ZNF410: variants seen among roughly 807,000 people sequenced by gnomAD.
The protein encoded by ZNF410 is another partner for ARF 1.
In ZNF410, 18 loss-of-function variants were observed where a neutral mutation model predicts 54.8. The observed-to-expected ratio is 0.33, with a 90% CI of 0.23 to 0.49. The LOEUF (loss-of-function observed/expected upper bound fraction) is 0.49. Among genes scored for constraint, ZNF410 ranks in the 20% least tolerant of loss-of-function variants. ZNF410 has a pLI of 0.99. For synonymous variants in ZNF410, 191 were observed against 207.3 expected (o/e 0.92, Z 0.68); for missense variants, 405 against 569.6 (o/e 0.71, Z 2.94).
rs150297098 is a variant in ZNF410, at chr14:73,898,181, C to T, written c.499C>T (p.Arg167Trp). Residue 167 changes from arginine (R) to tryptophan (W), a missense_variant, in exon 5 of 12, where the codon CGG becomes TGG. Arg to Trp is a moderately radical substitution (Grantham distance 101). This residue lies in a region of ZNF410 where 247 missense variants were observed against 342.8 expected (regional missense o/e 0.72). Coordinates refer to ENST00000555044, the MANE Select transcript of ZNF410 (RefSeq NM_021188.3). ...AGACAGTAGCATTCCATGGTTCCTC[C>T]GGGTTCAGGAGTTGGCCCATGACAG... ...STDSSIPWFL[R>W]VQELAHDSLI... 22 of 1,614,080 alleles carry T rather than the reference C, an allele frequency of 1.4e-5. No homozygotes were observed. The highest frequency in any genetic ancestry group is 2.2e-5 in the South Asian group (2 of 91,084).
chr14:73,915,288 G>A (rs1014496617), intron 8 of ZNF410, among the ~76,000 whole-genome samples: 7 of 148,724 alleles, frequency 4.7e-5, no homozygotes, highest in Non-Finnish European at 1.0e-4. Flanking sequence ...GTGAGAGTAC[G>A]TATCCTTGTC....
At chr14:73,890,001 TG>T (rs1343522750) in intron 1 of ZNF410, among the ~76,000 whole-genome samples, 2 of 152,172 alleles carry the variant, frequency 1.3e-5, no homozygotes, top group African/African-American at 4.8e-5. Flanking sequence ...TGCACCATGT[TG>T]GCCAGGATGG....
chr14:73,909,289 A>G, intron 7 of ZNF410, 52 bp from the exon 8 acceptor site: 3 of 1,455,028 alleles, frequency 2.1e-6, no homozygotes, highest in Non-Finnish European at 2.9e-6. Flanking sequence ...AGAGAGTAAC[A>G]GGTAATCAGT....
intron 5 of ZNF410, among the ~76,000 whole-genome samples, chr14:73,901,773 A>G (rs1197445564): frequency 6.6e-6 from 1 of 151,278 alleles, no homozygotes; most frequent in Non-Finnish European, 1.5e-5. Context: ...AAAAAAAAAT[A>G]GAAAAAATTA....
At position 73,898,141 on chromosome 14, in the gene ZNF410, C is replaced by A. The variant is rs1490364649; in HGVS notation, c.459C>A (p.Leu153=). 1 of 1,614,142 alleles carries A rather than the reference C, an allele frequency of 6.2e-7. No individual in the cohort carries two copies. The highest frequency in any genetic ancestry group is 1.7e-5 in the Admixed American group (1 of 60,012). The part of the protein sequence containing the change: ...DEAEDSGNDF[L]SSESTDSSIP... The stretch of plus-strand genomic sequence containing the variant: ...CAGAAGATTCAGGGAATGATTTCCT[C>A]TCCAGTGAGAGCACAGACAGTAGCA... Residue 153 remains leucine (L), a synonymous_variant, in exon 5 of 12, where the codon CTC becomes CTA. Coordinates refer to ENST00000555044, the MANE Select transcript of ZNF410 (RefSeq NM_021188.3).
intron 11 of ZNF410, among the ~76,000 whole-genome samples, chr14:73,925,359 C>T (rs777697961): frequency 1.3e-5 from 2 of 151,580 alleles, no homozygotes; most frequent in Non-Finnish European, 2.9e-5. Flanking sequence ...GAGAGAGAGA[C>T]TAGTATGATA....
At chr14:73,920,855 C>T (rs1379196217) in intron 8 of ZNF410, 125 bp from the exon 9 acceptor site, 36 of 1,276,782 alleles carry the variant, frequency 2.8e-5, no homozygotes, top group Admixed American at 1.6e-4. Context: ...TGGGAAGGTG[C>T]GGAATGGGAA....
chr14:73,896,306 C>G lies in ZNF410; in HGVS notation c.170-10C>G, dbSNP rs1045087248. The G allele has an allele frequency of 1.2e-5, 20 of 1,610,642 alleles. No individual in the cohort carries two copies. In the African/African-American group the frequency reaches 2.7e-4, roughly 22 times the overall value. On this transcript the variant is annotated splice_polypyrimidine_tract_variant and intron_variant, in intron 3 of 11. Transcript: ENST00000555044. Reference sequence around the variant, plus strand: ...TGCTACATAAAGCTGTGGTATTTTCCCTTTACTAGATGATACTACAAATCA... The same window carrying G: ...TGCTACATAAAGCTGTGGTATTTTCGCTTTACTAGATGATACTACAAATCA...
chr14:73,908,915 G>C (rs1018366691), intron 7 of ZNF410, among the ~76,000 whole-genome samples: 13 of 152,124 alleles, frequency 8.5e-5, no homozygotes, highest in Middle Eastern at 3.4e-3. Flanking sequence ...GATCAGCCTG[G>C]GAAACATAGT....
At chr14:73,913,421 A>C (rs2055616369) in intron 8 of ZNF410, 1 of 152,148 alleles carries the variant, frequency 6.6e-6, no homozygotes, top group South Asian at 2.1e-4. Flanking sequence ...AGGAAAGACA[A>C]ATTCCTTTAC....
chr14:73,889,614 T>C (rs2055194620), intron 1 of ZNF410, among the ~76,000 whole-genome samples: 1 of 152,044 alleles, frequency 6.6e-6, no homozygotes, highest in Admixed American at 6.6e-5. Flanking sequence ...AATAACTTGG[T>C]AATTAAGTAA....
At chr14:73,890,788 G>T (rs1433696443) in intron 1 of ZNF410, among the ~76,000 whole-genome samples, 1 of 152,022 alleles carries the variant, frequency 6.6e-6, no homozygotes, top group East Asian at 1.9e-4. Context: ...CACGGCAGGC[G>T]GATCACCTGA....
chr14:73,891,713 GT>G, intron 1 of ZNF410: 3 of 251,536 alleles, frequency 1.2e-5, no homozygotes, highest in Non-Finnish European at 1.5e-5. Flanking sequence ...CTAATTGGGG[GT>G]GTGTGTGTGT....
chr14:73,893,564 T>C (rs2055263822), intron 2 of ZNF410: 2 of 429,924 alleles, frequency 4.7e-6, no homozygotes, highest in Non-Finnish European at 4.1e-6. Flanking sequence ...ACCATCATCC[T>C]ATATGTGGTC....
At chr14:73,904,532 T>C (rs576561200) in intron 6 of ZNF410, among the ~76,000 whole-genome samples, 1 of 152,156 alleles carries the variant, frequency 6.6e-6, no homozygotes, top group Non-Finnish European at 1.5e-5. Flanking sequence ...GGCGCCATCA[T>C]AGCTCACTGC....
intron 7 of ZNF410, among the ~76,000 whole-genome samples, chr14:73,905,958 CACACACACACATAT>C (rs1249073607): frequency 4.6e-5 from 1 of 21,930 alleles, no homozygotes; most frequent in Admixed American, 7.6e-4. Context: ...CACACACACA[CACACACACACATAT>C]ATATATATAT....
intron 7 of ZNF410, among the ~76,000 whole-genome samples, chr14:73,907,296 G>A (rs80206171): frequency 0.06 from 9,144 of 152,202 alleles, 356 homozygotes; most frequent in African/African-American, 0.11. Flanking sequence ...TAGTAGTAAT[G>A]ATAGTAAAGC....
At chr14:73,894,247 A>G (rs181103774) in intron 3 of ZNF410, 7 of 679,260 alleles carry the variant, frequency 1.0e-5, no homozygotes, top group Admixed American at 4.4e-5. Context: ...AAATAGTTGG[A>G]TGAACATCAG....
chr14:73,891,478 C>T (rs557443429), intron 1 of ZNF410, among the ~76,000 whole-genome samples: 28 of 152,108 alleles, frequency 1.8e-4, no homozygotes, highest in South Asian at 8.3e-4. Flanking sequence ...CTCAGTCTCC[C>T]GAGTAGCTGG....
Sources: allele counts gnomAD v4.1 joint callset (sites outside exome capture counted in the v4.1 genomes callset), GRCh38; gene constraint gnomAD v4.1.1; regional missense constraint gnomAD v4.1.1; transcripts MANE v1.5; gene names NCBI Gene and HGNC (gene_info 2026-07-23, HGNC 2026-07-21).